PSMD1: variants seen among roughly 807,000 people sequenced by gnomAD.
PSMD1 encodes 26S proteasome non-ATPase regulatory subunit 1.
A neutral mutation model predicts 119.0 loss-of-function variants in PSMD1; 18 were observed. The observed-to-expected ratio is 0.15, with a 90% CI of 0.10 to 0.22. The LOEUF (loss-of-function observed/expected upper bound fraction) is 0.22. PSMD1 is among the 10% of genes least tolerant of loss of function. The pLI is 1.00. For synonymous variants in PSMD1, 374 were observed against 396.6 expected, an observed-to-expected ratio of 0.94 and a Z score of 0.68; for missense variants, 702 against 1,158.5, an observed-to-expected ratio of 0.61 and a Z score of 5.72.
At chr2:231,122,736 T>C (rs1286817040) in intron 16 of PSMD1, among the ~76,000 whole-genome samples, 2 of 152,284 alleles carry the variant, frequency 1.3e-5, no homozygotes, top group Admixed American at 1.3e-4. Context: ...TAACTAGGTT[T>C]TAATCCACTT....
chr2:231,109,977 G>A (rs1345808364), intron 16 of PSMD1, among the ~76,000 whole-genome samples: 2 of 152,204 alleles, frequency 1.3e-5, no homozygotes, highest in African/African-American at 2.4e-5. Flanking sequence ...AAATTTGAGT[G>A]TGTGTGAATC....
In PSMD1 at chr2:231,170,878, T is replaced by C. The variant is rs1216355594; in HGVS notation, c.*9+157T>C. ...TTCCCCGTTTCAACCTTTTTCTGCA[T>C]ATATAACCACAAATTCCTTTTTCTT... On this transcript the variant is annotated intron_variant, in intron 24 of 24. Coordinates refer to ENST00000308696, the MANE Select transcript of PSMD1 (RefSeq NM_002807.4). This position sits in a 1 kb window ranked among gnomAD's most constrained non-coding sequence, Gnocchi z 4.1. Among the ~76,000 whole-genome samples the C allele has an allele frequency of 6.6e-6, 1 of 152,238 alleles. No homozygotes were observed. Among genetic ancestry groups the C allele is most frequent in the African/African-American group, 2.4e-5 (1 of 41,450 alleles).
At chr2:231,121,347 G>T (rs968268949) in intron 16 of PSMD1, among the ~76,000 whole-genome samples, 3 of 152,062 alleles carry the variant, frequency 2.0e-5, no homozygotes, top group Non-Finnish European at 4.4e-5. Context: ...AGGCAACATT[G>T]CCAGACTCCA....
chr2:231,156,856 A>C (rs1165503261), intron 19 of PSMD1, among the ~76,000 whole-genome samples: 1 of 152,178 alleles, frequency 6.6e-6, no homozygotes, highest in African/African-American at 2.4e-5. Context: ...AGTAATTTTC[A>C]AATATACAGT....
intron 15 of PSMD1, among the ~76,000 whole-genome samples, chr2:231,086,466 G>T (rs1235075186): frequency 6.6e-6 from 1 of 152,002 alleles, no homozygotes; most frequent in Non-Finnish European, 1.5e-5. Flanking sequence ...AGACTAGCAT[G>T]TCCAACGTGG....
chr2:231,126,068 A>G (rs1184261689), intron 16 of PSMD1, among the ~76,000 whole-genome samples: 1 of 152,222 alleles, frequency 6.6e-6, no homozygotes, highest in African/African-American at 2.4e-5. Context: ...AAGAGAAATC[A>G]GATGTTTTTT....
At chr2:231,079,055 A>G (rs1430090536) in intron 10 of PSMD1, among the ~76,000 whole-genome samples, 1 of 152,098 alleles carries the variant, frequency 6.6e-6, no homozygotes, top group East Asian at 1.9e-4. Flanking sequence ...TCGGCCTCCC[A>G]AAGTGCCAGG....
At position 231,083,614 on chromosome 2, in the gene PSMD1, A is replaced by G. The variant is rs1486652218; in HGVS notation, c.1573A>G (p.Asn525Asp). ...AGGTTTGGTTATGTTGGGCTCTAAAAATGCTCAGGCTATTGAGGACATGGT... is the reference window on the plus strand; with the variant it reads ...AGGTTTGGTTATGTTGGGCTCTAAAGATGCTCAGGCTATTGAGGACATGGT... ...ALGLVMLGSKNAQAIEDMVGY... is the reference protein window; with the variant it reads ...ALGLVMLGSKDAQAIEDMVGY... The change falls in exon 14 of 25, where the codon AAT becomes GAT. Residue 525 changes from asparagine (N) to aspartate (D), a missense_variant. By Grantham distance (23) the Asn-to-Asp change is conservative (BLOSUM62 1). Around this residue, in one of 9 missense-constraint regions of PSMD1, gnomAD observed 272 missense variants for 511.6 expected, o/e 0.53. Coordinates refer to ENST00000308696, the MANE Select transcript of PSMD1 (RefSeq NM_002807.4). 3.1e-6 allele frequency: 5 copies of G among 1,614,096 alleles called. No individual in the cohort carries two copies. Among genetic ancestry groups the G allele is most frequent in the Non-Finnish European group, 4.2e-6 (5 of 1,180,048 alleles).
intron 18 of PSMD1, among the ~76,000 whole-genome samples, chr2:231,147,251 C>T (rs1038328884): frequency 1.3e-5 from 2 of 152,138 alleles, no homozygotes; most frequent in African/African-American, 2.4e-5. Flanking sequence ...CCAGTACTCC[C>T]GGAGGCTGAG....
chr2:231,119,819 G>A (rs1695468337), intron 16 of PSMD1, among the ~76,000 whole-genome samples: 3 of 136,420 alleles, frequency 2.2e-5, no homozygotes, highest in Middle Eastern at 4.7e-3. Context: ...GCAGTGAACT[G>A]AGATCATGCC....
Position 231,170,532 on chromosome 2 carries a change from G to A in PSMD1, c.2716-34G>A. On this transcript the variant is annotated intron_variant, in intron 23 of 24. Coordinates refer to ENST00000308696, the MANE Select transcript of PSMD1 (RefSeq NM_002807.4). This position sits in a 1 kb window ranked among gnomAD's most constrained non-coding sequence, Gnocchi z 4.1. ...AGATTGTGGAGCACGCTTGAAATATGAGTGTACGCTTCTGCACGCCCCTGT... is the reference window on the plus strand; with the variant it reads ...AGATTGTGGAGCACGCTTGAAATATAAGTGTACGCTTCTGCACGCCCCTGT... 3 of 1,541,560 alleles carry A rather than the reference G, an allele frequency of 1.9e-6. No homozygotes were observed. Among genetic ancestry groups the A allele is most frequent in the East Asian group, 4.7e-5 (2 of 42,560 alleles).
intron 16 of PSMD1, among the ~76,000 whole-genome samples, chr2:231,135,414 A>T (rs1214788051): frequency 6.6e-6 from 1 of 152,174 alleles, no homozygotes; most frequent in Non-Finnish European, 1.5e-5. Context: ...CTCTTTTCAG[A>T]TGAGGAAAGG....
intron 17 of PSMD1, among the ~76,000 whole-genome samples, chr2:231,139,321 T>C (rs1470406599): frequency 3.5e-5 from 5 of 143,306 alleles, no homozygotes; most frequent in Middle Eastern, 3.5e-3. Flanking sequence ...TTTCTTTTTT[T>C]TTTTTTTTTT....
chr2:231,153,693 T>G (rs369847283), intron 19 of PSMD1, 27 bp downstream of exon 19: 5 of 1,425,472 alleles, frequency 3.5e-6, no homozygotes, highest in Non-Finnish European at 4.9e-6. Context: ...CTTCAAGATT[T>G]ATTTATTTAA....
intron 16 of PSMD1, among the ~76,000 whole-genome samples, chr2:231,091,210 G>C (rs989598851): frequency 6.6e-6 from 1 of 152,110 alleles, no homozygotes; most frequent in Non-Finnish European, 1.5e-5. Flanking sequence ...TAACATTGTC[G>C]ACCCACCAAA....
At chr2:231,153,025 T>C (rs1696406061) in intron 18 of PSMD1, among the ~76,000 whole-genome samples, 1 of 152,200 alleles carries the variant, frequency 6.6e-6, no homozygotes, top group Non-Finnish European at 1.5e-5. Context: ...TACTCTCCTT[T>C]TGGTACGAGT....
intron 16 of PSMD1, among the ~76,000 whole-genome samples, chr2:231,119,480 G>GT (rs1695456688): frequency 1.3e-5 from 2 of 152,168 alleles, no homozygotes; most frequent in Admixed American, 6.5e-5. Context: ...ACCCTGGGAT[G>GT]TCTTGCTTCA....
intron 17 of PSMD1, among the ~76,000 whole-genome samples, chr2:231,142,862 C>T (rs1203511454): frequency 6.6e-6 from 1 of 151,954 alleles, no homozygotes; most frequent in Non-Finnish European, 1.5e-5. Flanking sequence ...GAAAGGATAC[C>T]CATATCTGCT....
intron 4 of PSMD1, among the ~76,000 whole-genome samples, chr2:231,065,591 G>A (rs1289266233): frequency 7.2e-5 from 11 of 152,096 alleles, no homozygotes; most frequent in Admixed American, 5.9e-4. Flanking sequence ...GGGCCACCGC[G>A]CCCGGCCAGG....
Sources: allele counts gnomAD v4.1 joint callset (sites outside exome capture counted in the v4.1 genomes callset), GRCh38; gene constraint gnomAD v4.1.1; regional missense constraint gnomAD v4.1.1; non-coding constraint Gnocchi (gnomAD v3.1); transcripts MANE v1.5; gene names NCBI Gene and HGNC (gene_info 2026-07-23, HGNC 2026-07-21).